The following SDK1 variants were observed in gnomAD, a reference collection of about 807,000 sequenced individuals.
SDK1 encodes sidekick cell adhesion molecule 1.
Under a neutral mutation model 245.5 loss-of-function variants are expected in SDK1, and 157 were observed. The observed-to-expected ratio is 0.64, with a 90% CI of 0.56 to 0.73. SDK1 has a LOEUF of 0.73. Among genes scored for constraint, SDK1 ranks in the 30% least tolerant of loss-of-function variants. The pLI is 0.00. For synonymous variants in SDK1, 1,647 were observed against 1,278.5 expected (o/e 1.29, Z -6.15); for missense variants, 3,583 against 3,002.3 (o/e 1.19, Z -4.52).
chr7:3,774,975 T>A (rs1780511428), intron 4 of SDK1, among the ~76,000 whole-genome samples: 1 of 152,106 alleles, frequency 6.6e-6, no homozygotes, highest in South Asian at 2.1e-4. Context: ...CGGGGACCTG[T>A]GAAGGCTGGG....
chr7:3,477,314 G>C (rs1781377449), intron 1 of SDK1, among the ~76,000 whole-genome samples: 1 of 144,270 alleles, frequency 6.9e-6, no homozygotes, highest in Non-Finnish European at 1.5e-5. Flanking sequence ...TCCTGCCTCA[G>C]CCTCCTGAGT....
chr7:3,379,077 T>G (rs1204361831), intron 1 of SDK1, among the ~76,000 whole-genome samples: 3 of 152,222 alleles, frequency 2.0e-5, no homozygotes, highest in African/African-American at 7.2e-5. Flanking sequence ...GCTGAGCTTC[T>G]GCTGAGGAAA....
chr7:3,382,023 ACT>A (rs1175583799), intron 1 of SDK1, among the ~76,000 whole-genome samples: 2 of 152,174 alleles, frequency 1.3e-5, no homozygotes, highest in Non-Finnish European at 2.9e-5. Flanking sequence ...TTGATGCCCT[ACT>A]CTGTCTCAGT....
intron 1 of SDK1, among the ~76,000 whole-genome samples, chr7:3,377,818 G>A (rs1781391975): frequency 1.3e-5 from 2 of 151,986 alleles, no homozygotes; most frequent in Non-Finnish European, 2.9e-5. Flanking sequence ...TCACTCTGTT[G>A]CCCAGGCTGG....
At chr7:3,547,914 G>T (rs1779281590) in intron 1 of SDK1, among the ~76,000 whole-genome samples, 2 of 152,196 alleles carry the variant, frequency 1.3e-5, no homozygotes, top group South Asian at 4.1e-4. Context: ...GTATGTTCCA[G>T]TACCTTCTTT....
intron 4 of SDK1, among the ~76,000 whole-genome samples, chr7:3,702,544 C>G (rs1000520572): frequency 6.6e-6 from 1 of 152,146 alleles, no homozygotes; most frequent in Non-Finnish European, 1.5e-5. Context: ...GTCTTCTGCC[C>G]CAAACTGCTT....
intron 1 of SDK1, among the ~76,000 whole-genome samples, chr7:3,335,198 C>G (rs1013588646): frequency 6.6e-6 from 1 of 152,158 alleles, no homozygotes; most frequent in Non-Finnish European, 1.5e-5. Context: ...CTTTCCACTG[C>G]TCACTTAGAT....
chr7:3,641,210 T>G (rs1562623689), intron 3 of SDK1, among the ~76,000 whole-genome samples: 1 of 152,174 alleles, frequency 6.6e-6, no homozygotes, highest in African/African-American at 2.4e-5. Flanking sequence ...TAAATAAAAA[T>G]ACACTATTTT....
chr7:3,539,401 A>T (rs1778988515), intron 1 of SDK1, among the ~76,000 whole-genome samples: 2 of 152,142 alleles, frequency 1.3e-5, no homozygotes, highest in Non-Finnish European at 2.9e-5. Flanking sequence ...TGGGATTTTA[A>T]TGGGAAAAGG....
At chr7:4,194,036 C>T (rs896256396) in intron 35 of SDK1, among the ~76,000 whole-genome samples, 1 of 152,050 alleles carries the variant, frequency 6.6e-6, no homozygotes, top group Admixed American at 6.6e-5. Context: ...AAGTAGAGTC[C>T]TTAGCATTTT....
chr7:3,405,861 A>G (rs113345917), intron 1 of SDK1, among the ~76,000 whole-genome samples: 121 of 128,790 alleles, frequency 9.4e-4, no homozygotes, highest in East Asian at 6.4e-3. Context: ...CGCCCAGGCT[A>G]TAGTGCAGTG....
intron 35 of SDK1, among the ~76,000 whole-genome samples, chr7:4,193,322 AAT>A (rs1350707804): frequency 3.7e-5 from 5 of 135,860 alleles, no homozygotes; most frequent in African/African-American, 1.4e-4. Flanking sequence ...ATATTTATAC[AAT>A]ATATAAATAT....
At chr7:3,314,995 C>A (rs887766815) in intron 1 of SDK1, among the ~76,000 whole-genome samples, 5 of 151,888 alleles carry the variant, frequency 3.3e-5, no homozygotes, top group African/African-American at 1.2e-4. Context: ...TGACTTTTTC[C>A]TTACTTTAGG....
chr7:4,037,332 C>G (rs923480441), intron 17 of SDK1, among the ~76,000 whole-genome samples: 2 of 152,044 alleles, frequency 1.3e-5, no homozygotes, highest in African/African-American at 4.8e-5. Flanking sequence ...AAAAGAAATT[C>G]TTGGGCTAGG....
chr7:4,239,356 G>C (rs1554266641), intron 42 of SDK1, among the ~76,000 whole-genome samples: 1 of 152,184 alleles, frequency 6.6e-6, no homozygotes, highest in Non-Finnish European at 1.5e-5. Flanking sequence ...TGCTAAATGT[G>C]CTCTGTCTCT....
At chr7:3,477,314 G>T (rs1781377449) in intron 1 of SDK1, among the ~76,000 whole-genome samples, 1 of 144,270 alleles carries the variant, frequency 6.9e-6, no homozygotes, top group African/African-American at 2.6e-5. Flanking sequence ...TCCTGCCTCA[G>T]CCTCCTGAGT....
chr7:3,528,164 C>G (rs950342830), intron 1 of SDK1, among the ~76,000 whole-genome samples: 2 of 109,346 alleles, frequency 1.8e-5, no homozygotes, highest in African/African-American at 7.2e-5. Flanking sequence ...GGATGACAGT[C>G]AGCTAGGGGG....
chr7:4,041,069 C>G (rs1303266733), intron 17 of SDK1, among the ~76,000 whole-genome samples: 2 of 152,186 alleles, frequency 1.3e-5, no homozygotes, highest in Non-Finnish European at 2.9e-5. Context: ...TTCTTTCTAG[C>G]TCCTGTATCA....
chr7:3,855,327 T>C (rs897257115), intron 5 of SDK1, among the ~76,000 whole-genome samples: 2 of 151,874 alleles, frequency 1.3e-5, no homozygotes, highest in East Asian at 3.9e-4. Context: ...AAAATACTTA[T>C]GCAAGGAAAT....
Sources: gnomAD v4.1 joint callset for allele counts (sites outside exome capture counted in the v4.1 genomes callset) on GRCh38, gnomAD v4.1.1 for gene constraint, MANE v1.5 for transcripts, NCBI Gene and HGNC (gene_info 2026-07-23, HGNC 2026-07-21) for gene names.